The following INTS10 variants were observed in gnomAD, a reference collection of about 807,000 sequenced individuals.
The protein encoded by INTS10 is chromosome 8 open reading frame 35.
Under a neutral mutation model 94.4 loss-of-function variants are expected in INTS10, and 44 were observed. That is an observed-to-expected ratio of 0.47 (90% CI 0.37 to 0.60). The LOEUF (loss-of-function observed/expected upper bound fraction) is 0.60, where lower values mean the gene tolerates loss of function less well. INTS10 is among the 20% of genes least tolerant of loss of function. The pLI, the probability that INTS10 is intolerant of heterozygous loss-of-function variation, is 0.00. For synonymous variants in INTS10, 341 were observed against 320.7 expected (o/e 1.06, Z -0.68); for missense variants, 797 against 868.7 (o/e 0.92, Z 1.04).
intron 8 of INTS10, among the ~76,000 whole-genome samples, chr8:19,826,037 C>T (rs2066762360): frequency 6.6e-6 from 1 of 152,026 alleles, no homozygotes. Context: ...GAGTAAGCTT[C>T]TCCCTTATTT....
chr8:19,838,550 T>G (rs2067857365), intron 13 of INTS10, among the ~76,000 whole-genome samples: 1 of 152,098 alleles, frequency 6.6e-6, no homozygotes, highest in African/African-American at 2.4e-5. Context: ...CAAACTCTTA[T>G]CAGAAAATAG....
intron 13 of INTS10, among the ~76,000 whole-genome samples, chr8:19,841,162 T>G (rs1032108027): frequency 2.0e-5 from 3 of 152,146 alleles, no homozygotes; most frequent in African/African-American, 7.2e-5. Context: ...CTAGAACAAT[T>G]TATTATCCAA....
intron 2 of INTS10, chr8:19,818,584 G>C: frequency 3.8e-6 from 2 of 526,406 alleles, no homozygotes; most frequent in Non-Finnish European, 6.8e-6. Context: ...ATTTATTCTA[G>C]AAATAATATG....
chr8:19,825,035 A>T, intron 8 of INTS10, 63 bp downstream of exon 8: 1 of 1,310,962 alleles, frequency 7.6e-7, no homozygotes, highest in Non-Finnish European at 1.1e-6. Context: ...GGTAAGGAAA[A>T]TGAAAGTGTT....
intron 11 of INTS10, among the ~76,000 whole-genome samples, chr8:19,832,696 C>T (rs1232312244): frequency 1.3e-5 from 2 of 152,208 alleles, no homozygotes; most frequent in Non-Finnish European, 2.9e-5. Context: ...TTACTTCTCA[C>T]CCTCCTCTCT....
intron 1 of INTS10, 166 bp from the exon 2 acceptor site, chr8:19,818,109 A>C (rs2066079694): frequency 1.5e-6 from 1 of 682,708 alleles, no homozygotes. Flanking sequence ...CCAGGGTCAC[A>C]CTCTAAGCCC....
rs1183502322 is a variant in INTS10, at chr8:19,820,350, CTT to C, written c.302-26_302-25del. ...TGCAGTCTTTTCTGTCCGCAAGAAA[CTT>C]TTAAAAGTGAAATATGTTTCGTACA... On this transcript the variant is annotated intron_variant, in intron 3 of 16. Transcript: ENST00000397977. The C allele has an allele frequency of 2.5e-6, 4 of 1,589,098 alleles. No homozygotes were observed. The Admixed American group carries it at 5.2e-5, about 21-fold the overall frequency.
intron 8 of INTS10, 150 bp from the exon 9 acceptor site, chr8:19,826,276 T>C (rs2128764466): frequency 1.5e-6 from 1 of 659,534 alleles, no homozygotes; most frequent in African/African-American, 1.9e-5. Flanking sequence ...GAGATGGGGT[T>C]TCGCCATGTT....
Position 19,851,554 on chromosome 8 carries a change from A to G in INTS10, c.1977-95A>G. 9.4e-7 allele frequency: 1 copy of G among 1,063,564 alleles called. No individual in the cohort carries two copies. The highest frequency in any genetic ancestry group is 2.4e-5 in the East Asian group (1 of 41,830). The allele number at this position is 1,063,564 out of a possible 1,614,324, so 65.9% of individuals were successfully genotyped here. On this transcript the variant is annotated intron_variant, in intron 16 of 16. Transcript: ENST00000397977. This position sits in a 1 kb window ranked among gnomAD's most constrained non-coding sequence, Gnocchi z 5.0. ...TTAAAATATCTGAAATTATACTTAG[A>G]TATGGGGCAGGCTTTATTCCTACCC...
At chr8:19,844,290 A>C in intron 15 of INTS10, 52 bp downstream of exon 15, 1 of 1,259,768 alleles carries the variant, frequency 7.9e-7, no homozygotes, top group East Asian at 2.4e-5. Context: ...CTTTAGAATG[A>C]ATACATGATA....
At chr8:19,840,418 T>C (rs2068039045) in intron 13 of INTS10, among the ~76,000 whole-genome samples, 1 of 152,144 alleles carries the variant, frequency 6.6e-6, no homozygotes. Context: ...TTTTTGGTGG[T>C]TTTTTGCTAG....
intron 12 of INTS10, among the ~76,000 whole-genome samples, chr8:19,835,806 A>G (rs1290014248): frequency 6.6e-6 from 1 of 152,198 alleles, no homozygotes; most frequent in African/African-American, 2.4e-5. Context: ...GTCAGCCATG[A>G]CCTAGGGCTG....
intron 3 of INTS10, 42 bp from the exon 4 acceptor site, chr8:19,820,337 T>C: frequency 1.3e-6 from 2 of 1,580,212 alleles, no homozygotes; most frequent in Non-Finnish European, 1.7e-6. Context: ...CAGTCTTTTC[T>C]GTCCGCAAGA....
In INTS10 at chr8:19,817,552, G is replaced by A. The variant is rs372013222; in HGVS notation, c.15G>A (p.Gly5=). 107 of 1,608,328 alleles carry A rather than the reference G, an allele frequency of 6.7e-5. No homozygotes were observed. Among genetic ancestry groups the A allele is most frequent in the Non-Finnish European group, 8.7e-5 (102 of 1,178,394 alleles). MSAQ[G]DCEFLVQRAR... ...GCGCTCGGGTCATGTCTGCCCAGGG[G>A]GACTGCGAGTTCCTGGTGCAGCGAG... Residue 5 remains glycine, a synonymous_variant, in exon 1 of 17, where the codon GGG becomes GGA. Transcript: ENST00000397977.
chr8:19,846,538 A>T lies in INTS10; in HGVS notation c.1976+741A>T, dbSNP rs145827185. Among the ~76,000 whole-genome samples the T allele has an allele frequency of 2.2e-4, 33 of 152,302 alleles. No homozygotes were observed. In the East Asian group the frequency reaches 6.2e-3, roughly 28 times the overall value. On this transcript the variant is annotated intron_variant, in intron 16 of 16. Coordinates refer to ENST00000397977, the MANE Select transcript of INTS10 (RefSeq NM_018142.4). This position sits in a 1 kb window ranked among gnomAD's most constrained non-coding sequence, Gnocchi z 4.2. ...CAGACTTTTTATTTATAAACTACCTATGAAGCCCTCCTATGCAGTCCTCAT... is the reference window on the plus strand; with the variant it reads ...CAGACTTTTTATTTATAAACTACCTTTGAAGCCCTCCTATGCAGTCCTCAT...
chr8:19,831,935 G>C, intron 10 of INTS10, 93 bp from the exon 11 acceptor site: 1 of 769,658 alleles, frequency 1.3e-6, no homozygotes, highest in East Asian at 2.5e-5. Context: ...TTTTTGGTAG[G>C]TTGTCTCTCT....
chr8:19,819,429 T>C, intron 2 of INTS10, 144 bp from the exon 3 acceptor site: 1 of 535,758 alleles, frequency 1.9e-6, no homozygotes, highest in Non-Finnish European at 3.3e-6. Flanking sequence ...ATTCTTATTT[T>C]TACATTTTTA....
Position 19,851,893 on chromosome 8 carries a change from G to A in INTS10, c.*88G>A. The A allele has an allele frequency of 8.3e-7, 1 of 1,198,730 alleles. No individual in the cohort carries two copies. Among genetic ancestry groups the A allele is most frequent in the Non-Finnish European group, 1.2e-6 (1 of 833,658 alleles). 74.3% of individuals were successfully genotyped at this position (1,198,730 alleles called of 1,614,324 possible). A position where few individuals can be genotyped will look rare whatever the true frequency, so the allele number is the denominator to read the frequency against. On this transcript the variant is annotated 3_prime_UTR_variant, in exon 17 of 17. Coordinates refer to ENST00000397977, the MANE Select transcript of INTS10 (RefSeq NM_018142.4). The surrounding 1 kb of genome is among the most constrained non-coding windows in gnomAD (Gnocchi z 5.0). ...GTGATTGCCATGGCACAGAGCCGTG[G>A]TCATTGTTGCTGTTACAAAGAAGAA...
intron 7 of INTS10, chr8:19,824,590 G>T (rs757170518): frequency 2.3e-5 from 11 of 470,892 alleles, no homozygotes; most frequent in African/African-American, 4.1e-5. Flanking sequence ...TCAGAGAAAA[G>T]AGAAGCTACT....
Sources: allele counts gnomAD v4.1 joint callset (sites outside exome capture counted in the v4.1 genomes callset), GRCh38; gene constraint gnomAD v4.1.1; non-coding constraint Gnocchi (gnomAD v3.1); transcripts MANE v1.5; gene names NCBI Gene and HGNC (gene_info 2026-07-23, HGNC 2026-07-21).